ADCY2: variants seen among roughly 807,000 people sequenced by gnomAD.
ADCY2 encodes adenylate cyclase 2.
ADCY2 carries 31 observed loss-of-function variants against 125.2 expected under a neutral mutation model. The ratio of observed to expected loss-of-function variants is 0.25; its 90% CI spans 0.19 to 0.33. The LOEUF (loss-of-function observed/expected upper bound fraction) is 0.33. Ranked by LOEUF, ADCY2 falls within the 10% of genes least tolerant of loss-of-function variation. The probability of loss-of-function intolerance (pLI) is 1.00; values close to 1 mark genes in which losing one functional copy is unlikely to be tolerated. For missense variants in ADCY2, 904 were observed against 1,418.2 expected, an observed-to-expected ratio of 0.64 and a Z score of 5.82; for synonymous variants, 512 against 548.4, an observed-to-expected ratio of 0.93 and a Z score of 0.93.
intron 13 of ADCY2, among the ~76,000 whole-genome samples, 200 bp downstream of exon 13, chr5:7,724,814 A>G (rs993210723): frequency 6.6e-6 from 1 of 152,158 alleles, no homozygotes; most frequent in Non-Finnish European, 1.5e-5. Context: ...ATCTTTGATC[A>G]GTTACCATTC....
At chr5:7,525,096 G>A (rs1282310016) in intron 3 of ADCY2, among the ~76,000 whole-genome samples, 2 of 151,948 alleles carry the variant, frequency 1.3e-5, no homozygotes, top group South Asian at 2.1e-4. Flanking sequence ...TCCACCTCCC[G>A]AGTTCAAGCA....
In ADCY2 at chr5:7,523,106, T is replaced by G. The variant is rs1045527590; in HGVS notation, c.570+2207T>G. Among the ~76,000 whole-genome samples the G allele has an allele frequency of 2.0e-5, 3 of 152,126 alleles. No homozygotes were observed. The South Asian group carries it at 6.2e-4, about 32-fold the overall frequency. ...TCCTTTCTGCTCCTTCAGGAATAAA[T>G]GAAGTATCTGCTGGTGCAGATGTAA... On this transcript the variant is annotated intron_variant, in intron 3 of 24. Transcript: ENST00000338316.
At chr5:7,713,234 T>C (rs1349602634) in intron 11 of ADCY2, among the ~76,000 whole-genome samples, 1 of 152,180 alleles carries the variant, frequency 6.6e-6, no homozygotes, top group Admixed American at 6.5e-5. Flanking sequence ...TTTCTGCCTG[T>C]AATCCCAGCA....
intron 3 of ADCY2, among the ~76,000 whole-genome samples, chr5:7,595,106 G>A (rs1736966262): frequency 1.3e-5 from 2 of 152,164 alleles, no homozygotes; most frequent in South Asian, 4.1e-4. Context: ...TTGTTCATTA[G>A]CTAATTATAA....
intron 23 of ADCY2, among the ~76,000 whole-genome samples, chr5:7,817,256 A>C (rs1173045548): frequency 6.6e-6 from 1 of 152,210 alleles, no homozygotes; most frequent in African/African-American, 2.4e-5. Context: ...ATTCACTGTG[A>C]GACATCCACT....
intron 2 of ADCY2, among the ~76,000 whole-genome samples, chr5:7,499,533 T>C (rs1414673259): frequency 6.6e-6 from 1 of 151,724 alleles, no homozygotes; most frequent in Admixed American, 6.6e-5. Context: ...AAGTGAGTTC[T>C]TTCATCATTG....
intron 2 of ADCY2, among the ~76,000 whole-genome samples, chr5:7,423,718 C>T (rs531117204): frequency 2.0e-5 from 3 of 152,160 alleles, no homozygotes; most frequent in Admixed American, 6.5e-5. Flanking sequence ...GGCTGTCCCT[C>T]GAGCTGAGGA....
chr5:7,530,483 G>A (rs551082531), intron 3 of ADCY2, among the ~76,000 whole-genome samples: 12 of 152,216 alleles, frequency 7.9e-5, no homozygotes, highest in African/African-American at 2.2e-4. Flanking sequence ...GGCCTCAAGC[G>A]ATCCTCCCAG....
chr5:7,651,789 C>CT (rs1273313249), intron 4 of ADCY2, among the ~76,000 whole-genome samples: 2 of 152,024 alleles, frequency 1.3e-5, no homozygotes, highest in African/African-American at 2.4e-5. Flanking sequence ...ACCTTCACGT[C>CT]TTTTTATTTA....
chr5:7,543,941 G>T (rs1484747319), intron 3 of ADCY2, among the ~76,000 whole-genome samples: 4 of 150,010 alleles, frequency 2.7e-5, no homozygotes, highest in African/African-American at 9.8e-5. Context: ...ATGAACCCGG[G>T]AGTCGGAGGT....
intron 4 of ADCY2, among the ~76,000 whole-genome samples, chr5:7,668,525 A>G (rs976510061): frequency 7.2e-5 from 11 of 152,240 alleles, no homozygotes; most frequent in African/African-American, 2.7e-4. Context: ...TTCAGAGATC[A>G]CTAGAAATCA....
chr5:7,762,254 C>T (rs1743247346), intron 16 of ADCY2, among the ~76,000 whole-genome samples: 1 of 152,220 alleles, frequency 6.6e-6, no homozygotes, highest in Non-Finnish European at 1.5e-5. Context: ...AATCATAAAA[C>T]TGTAGGAAAG....
Position 7,396,489 on chromosome 5 carries a change from T to G in ADCY2, c.193T>G (p.Phe65Val), listed in dbSNP as rs1196393494. 6.4e-7 allele frequency: 1 copy of G among 1,566,214 alleles called. No homozygotes were observed. The highest frequency in any genetic ancestry group is 2.5e-5 in the East Asian group (1 of 39,396). The change falls in exon 1 of 25, where the codon TTC becomes GTC. Residue 65 changes from phenylalanine to valine, a missense_variant. Transcript: ENST00000338316. This position sits in a 1 kb window ranked among gnomAD's most constrained non-coding sequence, Gnocchi z 5.7. The part of the protein sequence containing the change: ...MGSCLALLAV[F>V]FALGLEVEDH... ...CTCCTGCCTCGCCCTGCTCGCCGTC[T>G]TCTTCGCGCTCGGGCTGGTGAGTGG...
At chr5:7,525,276 GGA>G (rs1484344436) in intron 3 of ADCY2, among the ~76,000 whole-genome samples, 1 of 152,202 alleles carries the variant, frequency 6.6e-6, no homozygotes, top group Non-Finnish European at 1.5e-5. Flanking sequence ...CAAAGTGCTA[GGA>G]TTACAGGCAT....
At chr5:7,793,361 G>T (rs1393323245) in intron 20 of ADCY2, among the ~76,000 whole-genome samples, 3 of 152,214 alleles carry the variant, frequency 2.0e-5, no homozygotes, top group African/African-American at 7.2e-5. Context: ...TGAGGCAGGA[G>T]AATCGCACCA....
intron 3 of ADCY2, among the ~76,000 whole-genome samples, chr5:7,553,875 G>A (rs755308385): frequency 5.3e-5 from 8 of 152,294 alleles, no homozygotes; most frequent in African/African-American, 1.9e-4. Flanking sequence ...CTAGAAGCAC[G>A]AGAGCAACCT....
chr5:7,666,943 T>G lies in ADCY2; in HGVS notation c.721-23748T>G, dbSNP rs968726758. Reference sequence around the variant, plus strand: ...ACTAGTCTCAGCTTCATGCCCCAGTTCCTCTGCATAGACTAAGGACTCCTC... The same window carrying G: ...ACTAGTCTCAGCTTCATGCCCCAGTGCCTCTGCATAGACTAAGGACTCCTC... On this transcript the variant is annotated intron_variant, in intron 4 of 24. Transcript: ENST00000338316. Among the ~76,000 whole-genome samples the G allele has an allele frequency of 2.6e-5, 4 of 152,198 alleles. No individual in the cohort carries two copies. In the South Asian group the frequency reaches 8.3e-4, roughly 32 times the overall value.
intron 3 of ADCY2, among the ~76,000 whole-genome samples, chr5:7,601,321 A>G (rs1737193579): frequency 7.3e-6 from 1 of 137,040 alleles, no homozygotes; most frequent in South Asian, 2.1e-4. Context: ...AATTAAAAAG[A>G]AAAAAAAACT....
chr5:7,722,846 G>A (rs909440117), intron 12 of ADCY2, among the ~76,000 whole-genome samples: 1 of 150,704 alleles, frequency 6.6e-6, no homozygotes, highest in Non-Finnish European at 1.5e-5. Flanking sequence ...TGTAATCCCA[G>A]CTATTTGGCA....
Sources: gnomAD v4.1 joint callset for allele counts (sites outside exome capture counted in the v4.1 genomes callset) on GRCh38, gnomAD v4.1.1 for gene constraint, Gnocchi (gnomAD v3.1) non-coding constraint, MANE v1.5 for transcripts, NCBI Gene and HGNC (gene_info 2026-07-23, HGNC 2026-07-21) for gene names.